The following TANC2 variants were observed in gnomAD, a reference collection of about 807,000 sequenced individuals.
TANC2 encodes protein TANC2.
A neutral mutation model predicts 210.5 loss-of-function variants in TANC2; 26 were observed. That is an observed-to-expected ratio of 0.12 (90% CI 0.09 to 0.17). The LOEUF is 0.17. TANC2 is among the 10% of genes least tolerant of loss of function. The pLI is 1.00. For missense variants in TANC2, 2,129 were observed against 2,608.9 expected (o/e 0.82, Z 4.01); for synonymous variants, 931 against 967.1 (o/e 0.96, Z 0.69).
intron 7 of TANC2, among the ~76,000 whole-genome samples, chr17:63,211,366 A>C (rs768537822): frequency 6.6e-6 from 1 of 150,462 alleles, no homozygotes; most frequent in African/African-American, 2.5e-5. Flanking sequence ...CTTCTCTCCC[A>C]CTTCTTTTTG....
In TANC2 at chr17:63,374,668, A is replaced by C. The variant is rs562218566; in HGVS notation, c.2583-5050A>C. On this transcript the variant is annotated intron_variant, in intron 14 of 27. Coordinates refer to ENST00000689528, the Ensembl canonical transcript of TANC2. ...AGGAAAGAGAATTCCAGGCAGAGGG[A>C]AAGCATGTTTGAAACCCTACAGATA... 2.8e-4 allele frequency among the ~76,000 whole-genome samples: 42 copies of C among 152,352 alleles called. 1 individual carries two copies. Among genetic ancestry groups the C allele is most frequent in the Middle Eastern group, 3.4e-3 (1 of 294 alleles).
At chr17:63,147,977 A>G (rs1366882463) in intron 4 of TANC2, among the ~76,000 whole-genome samples, 1 of 152,238 alleles carries the variant, frequency 6.6e-6, no homozygotes, top group Non-Finnish European at 1.5e-5. Context: ...TGATGTTTTT[A>G]GAACATTTAT....
chr17:63,245,230 G>A (rs1214635393), intron 8 of TANC2, among the ~76,000 whole-genome samples: 1 of 151,986 alleles, frequency 6.6e-6, no homozygotes. Flanking sequence ...ATCCTGTTCA[G>A]ACATCTTATA....
intron 1 of TANC2, among the ~76,000 whole-genome samples, chr17:62,981,369 T>C (rs2032291320): frequency 6.6e-6 from 1 of 152,134 alleles, no homozygotes; most frequent in Non-Finnish European, 1.5e-5. Context: ...CTACCCCCCC[T>C]CACCTTCTCA....
At chr17:62,992,121 A>T (rs1405882419) in intron 1 of TANC2, among the ~76,000 whole-genome samples, 1 of 152,224 alleles carries the variant, frequency 6.6e-6, no homozygotes, top group East Asian at 1.9e-4. Context: ...GTTATGTGCA[A>T]ACACTGTATC....
intron 4 of TANC2, among the ~76,000 whole-genome samples, chr17:63,123,544 G>C (rs928871147): frequency 1.3e-5 from 2 of 148,338 alleles, no homozygotes; most frequent in African/African-American, 5.0e-5. Flanking sequence ...GGGCGACAAG[G>C]TGAGATTCTG....
chr17:63,027,315 G>T (rs1313654598), intron 2 of TANC2, among the ~76,000 whole-genome samples: 3 of 151,958 alleles, frequency 2.0e-5, no homozygotes, highest in East Asian at 1.9e-4. Context: ...CGAAGAAAAA[G>T]AAATATTGAG....
chr17:63,076,222 T>G (rs2036567384), intron 3 of TANC2, among the ~76,000 whole-genome samples: 1 of 152,056 alleles, frequency 6.6e-6, no homozygotes, highest in Non-Finnish European at 1.5e-5. Flanking sequence ...AAAGCAAAAT[T>G]TATCCTTAGG....
At chr17:63,382,152 T>C (rs1473192213) in intron 15 of TANC2, among the ~76,000 whole-genome samples, 1 of 152,170 alleles carries the variant, frequency 6.6e-6, no homozygotes, top group Non-Finnish European at 1.5e-5. Context: ...CAAGTAAAGC[T>C]AGTATTCCAA....
chr17:63,275,171 A>G (rs1354911503), intron 9 of TANC2, among the ~76,000 whole-genome samples: 2 of 152,208 alleles, frequency 1.3e-5, no homozygotes, highest in African/African-American at 2.4e-5. Flanking sequence ...GTCTTAAGTT[A>G]CAACCACACT....
At chr17:63,025,340 A>G (rs995127372) in intron 2 of TANC2, among the ~76,000 whole-genome samples, 18 of 152,162 alleles carry the variant, frequency 1.2e-4, no homozygotes, top group African/African-American at 4.1e-4. Flanking sequence ...GAAGTTTCAT[A>G]ATGTCTTCCG....
At chr17:63,126,393 A>G (rs2038709627) in intron 4 of TANC2, among the ~76,000 whole-genome samples, 1 of 152,024 alleles carries the variant, frequency 6.6e-6, no homozygotes, top group African/African-American at 2.4e-5. Flanking sequence ...AGGTTTTTTT[A>G]GTGGGGGGTT....
intron 2 of TANC2, among the ~76,000 whole-genome samples, chr17:63,058,089 T>G (rs1388013544): frequency 2.6e-5 from 4 of 152,220 alleles, no homozygotes; most frequent in African/African-American, 9.6e-5. Context: ...AATTTGCCAG[T>G]ATCTATCATT....
At chr17:63,250,040 TGA>T (rs2043014949) in intron 8 of TANC2, among the ~76,000 whole-genome samples, 2 of 151,886 alleles carry the variant, frequency 1.3e-5, no homozygotes, top group Admixed American at 1.3e-4. Flanking sequence ...AGTTAAATGC[TGA>T]GTTGTCCTCA....
At chr17:63,237,397 A>G (rs2042650571) in intron 7 of TANC2, among the ~76,000 whole-genome samples, 2 of 151,862 alleles carry the variant, frequency 1.3e-5, no homozygotes, top group South Asian at 4.1e-4. Context: ...GTTTGCATAT[A>G]TTTTCTCCCA....
In TANC2 at chr17:63,177,039, G is replaced by A. The variant is rs1446752787; in HGVS notation, c.434-16952G>A. Among the ~76,000 whole-genome samples, 6 of 151,872 alleles carry A rather than the reference G, an allele frequency of 4.0e-5. No individual in the cohort carries two copies. In the East Asian group the frequency reaches 7.8e-4, roughly 20 times the overall value. ...AGCACTTTAGGAGGCCGAGGTGGGCGGATCACTTGAGGTCAGGAGTTTGAG... is the reference window on the plus strand; with the variant it reads ...AGCACTTTAGGAGGCCGAGGTGGGCAGATCACTTGAGGTCAGGAGTTTGAG... On this transcript the variant is annotated intron_variant, in intron 5 of 27. Coordinates refer to ENST00000689528, the Ensembl canonical transcript of TANC2.
chr17:62,974,702 G>A (rs1262508036), intron 1 of TANC2, among the ~76,000 whole-genome samples: 1 of 152,130 alleles, frequency 6.6e-6, no homozygotes, highest in East Asian at 1.9e-4. Flanking sequence ...GAAAAATATA[G>A]TTCAAAAACA....
chr17:63,046,531 C>T (rs1476252196), intron 2 of TANC2, among the ~76,000 whole-genome samples: 1 of 151,544 alleles, frequency 6.6e-6, no homozygotes, highest in Admixed American at 6.6e-5. Context: ...AGGGTTTCAC[C>T]GTGTTGGCCA....
chr17:63,175,528 C>CCG lies in TANC2; in HGVS notation c.434-18462_434-18461insGC, dbSNP rs370648035. On this transcript the variant is annotated intron_variant, in intron 5 of 27. Coordinates refer to ENST00000689528, the Ensembl canonical transcript of TANC2. ...GGCGACGGAGTGAGACCCTGTCTCC[C>CCG]CCGCCAAAAAAAAAAAAAAAAAAAA... 9.3e-3 allele frequency among the ~76,000 whole-genome samples: 810 copies of CCG among 86,652 alleles called. 13 individuals are homozygous for CCG. The highest frequency in any genetic ancestry group is 0.055 in the African/African-American group (744 of 13,490). 56.8% of individuals were successfully genotyped at this position (86,652 alleles called of 152,430 possible).
Sources: gnomAD v4.1 joint callset for allele counts (sites outside exome capture counted in the v4.1 genomes callset) on GRCh38, gnomAD v4.1.1 for gene constraint, MANE v1.5 for transcripts, NCBI Gene and HGNC (gene_info 2026-07-23, HGNC 2026-07-21) for gene names.